Variants in QTMAN observed in about 807,000 individuals in gnomAD.
The protein encoded by QTMAN is queuosine-tRNA mannosyltransferase.
At chr2:144,148,086 A>G in the QTMAN span, among the ~76,000 whole-genome samples, 2 of 151,830 alleles carry the variant, frequency 1.3e-5, no homozygotes, top group Admixed American at 1.3e-4. Context: ...GGACAATAGG[A>G]AAAATTTGAA....
chr2:144,312,373 A>T, the QTMAN span, among the ~76,000 whole-genome samples: 1 of 152,018 alleles, frequency 6.6e-6, no homozygotes, highest in Non-Finnish European at 1.5e-5. Flanking sequence ...TCCCGCCCAC[A>T]GTCCCTTCAC....
chr2:144,182,839 ATTATATATATATT>A, the QTMAN span, among the ~76,000 whole-genome samples: 2 of 68,890 alleles, frequency 2.9e-5, no homozygotes, highest in Admixed American at 2.4e-4. Flanking sequence ...ATATATATAT[ATTATATATATATT>A]TTATATATAA....
chr2:144,118,039 GGT>G, the QTMAN span, among the ~76,000 whole-genome samples: 1 of 151,960 alleles, frequency 6.6e-6, no homozygotes, highest in African/African-American at 2.4e-5. Context: ...GTAGAGAGGG[GGT>G]TTCAACGTGT....
chr2:144,306,932 C>T, the QTMAN span, among the ~76,000 whole-genome samples: 5 of 151,906 alleles, frequency 3.3e-5, no homozygotes, highest in South Asian at 2.1e-4. Context: ...GAGGCTGAGG[C>T]GGGTGGATCA....
the QTMAN span, among the ~76,000 whole-genome samples, chr2:144,155,024 C>T: frequency 7.9e-5 from 12 of 152,176 alleles, no homozygotes; most frequent in African/African-American, 2.2e-4. Context: ...TTCACTCCTA[C>T]CATTAAAACA....
chr2:144,054,214 C>A, the QTMAN span, among the ~76,000 whole-genome samples: 1 of 151,866 alleles, frequency 6.6e-6, no homozygotes, highest in Admixed American at 6.6e-5. Context: ...ACCAAAAAAA[C>A]AAAACCTTCC....
the QTMAN span, among the ~76,000 whole-genome samples, chr2:144,213,350 T>C: frequency 1.1e-4 from 17 of 152,272 alleles, 1 homozygote; most frequent in Admixed American, 1.0e-3. Flanking sequence ...AGTATAGATA[T>C]TAAAAATCTG....
the QTMAN span, chr2:144,208,787 C>T: frequency 4.4e-6 from 7 of 1,580,710 alleles, no homozygotes; most frequent in East Asian, 1.6e-4. Flanking sequence ...CTCATTGGCC[C>T]ATTCAAACCT....
chr2:144,264,955 T>C, the QTMAN span, among the ~76,000 whole-genome samples: 3 of 152,198 alleles, frequency 2.0e-5, no homozygotes, highest in Non-Finnish European at 4.4e-5. Flanking sequence ...TCTCAATCAA[T>C]TGACCTCCAT....
the QTMAN span, among the ~76,000 whole-genome samples, chr2:144,303,545 A>C: frequency 6.6e-6 from 1 of 152,224 alleles, no homozygotes; most frequent in African/African-American, 2.4e-5. Flanking sequence ...TAATTAAAAG[A>C]GAAGTCATCA....
chr2:144,032,494 G>A, the QTMAN span, among the ~76,000 whole-genome samples: 9 of 152,210 alleles, frequency 5.9e-5, no homozygotes, highest in African/African-American at 1.9e-4. Context: ...AGCCATGTAC[G>A]TCATGAAAAT....
the QTMAN span, among the ~76,000 whole-genome samples, chr2:144,042,203 C>T: frequency 9.9e-5 from 15 of 152,150 alleles, no homozygotes; most frequent in Non-Finnish European, 1.9e-4. Flanking sequence ...AGGGAAAAAA[C>T]ACAAAGGACT....
the QTMAN span, among the ~76,000 whole-genome samples, chr2:144,033,469 G>C: frequency 6.6e-6 from 1 of 152,186 alleles, no homozygotes; most frequent in East Asian, 1.9e-4. Context: ...GGGGCATGGA[G>C]CATCTATGCC....
the QTMAN span, among the ~76,000 whole-genome samples, chr2:144,322,792 G>C: frequency 6.6e-6 from 1 of 152,050 alleles, no homozygotes; most frequent in Admixed American, 6.6e-5. Context: ...TTTTTGAAAA[G>C]ATCTTTCACC....
chr2:144,102,080 C>T, the QTMAN span, among the ~76,000 whole-genome samples: 5 of 152,204 alleles, frequency 3.3e-5, no homozygotes, highest in Non-Finnish European at 7.3e-5. Context: ...CTAAGTGAGA[C>T]TTAAACAACT....
At chr2:144,035,454 T>C in the QTMAN span, among the ~76,000 whole-genome samples, 92 of 152,360 alleles carry the variant, frequency 6.0e-4, no homozygotes, top group African/African-American at 2.1e-3. Context: ...ATGCATGAGA[T>C]AGCACTCATT....
chr2:144,203,098 C>T, the QTMAN span, among the ~76,000 whole-genome samples: 1 of 151,686 alleles, frequency 6.6e-6, no homozygotes, highest in East Asian at 1.9e-4. Flanking sequence ...AGCCTAGAAA[C>T]CATCCTTTAG....
the QTMAN span, among the ~76,000 whole-genome samples, chr2:144,222,272 G>C: frequency 6.6e-6 from 1 of 151,062 alleles, no homozygotes; most frequent in African/African-American, 2.4e-5. Context: ...CGTCAGCCAG[G>C]ATGGTCTCGA....
chr2:144,265,514 G>C, the QTMAN span, among the ~76,000 whole-genome samples: 1 of 151,936 alleles, frequency 6.6e-6, no homozygotes, highest in Non-Finnish European at 1.5e-5. Flanking sequence ...TCGCTAATAC[G>C]GTGAAACTCT....
Sources: gnomAD v4.1 joint callset for allele counts (sites outside exome capture counted in the v4.1 genomes callset) on GRCh38, gnomAD v4.1.1 for gene constraint, MANE v1.5 for transcripts, NCBI Gene and HGNC (gene_info 2026-07-23, HGNC 2026-07-21) for gene names.